Variants in GDA observed in about 807,000 individuals in gnomAD.
The protein encoded by GDA is cytoplasmic PSD-95 interactor.
In GDA, 18 loss-of-function variants were observed where a neutral mutation model predicts 59.6. The ratio of observed to expected loss-of-function variants is 0.30; its 90% CI spans 0.21 to 0.45. GDA has a LOEUF of 0.45. GDA is among the 20% of genes least tolerant of loss of function. The pLI is 1.00. For synonymous variants in GDA, 201 were observed against 201.1 expected, an observed-to-expected ratio of 1.00 and a Z score of 0.00; for missense variants, 427 against 552.3, an observed-to-expected ratio of 0.77 and a Z score of 2.27.
chr9:72,181,039 T>C (rs750925808), intron 1 of GDA, among the ~76,000 whole-genome samples: 1 of 152,228 alleles, frequency 6.6e-6, no homozygotes, highest in Non-Finnish European at 1.5e-5. Context: ...TCACATGAAA[T>C]AGATTTTGAT....
At chr9:72,116,783 A>G (rs540506619) in intron 1 of GDA, among the ~76,000 whole-genome samples, 2 of 152,112 alleles carry the variant, frequency 1.3e-5, no homozygotes, top group Admixed American at 6.5e-5. Context: ...TTATTTATTT[A>G]TTTTTATTAT....
At chr9:72,181,389 G>A (rs1027723739) in intron 1 of GDA, among the ~76,000 whole-genome samples, 1 of 152,004 alleles carries the variant, frequency 6.6e-6, no homozygotes, top group African/African-American at 2.4e-5. Flanking sequence ...GCAGTGGCGC[G>A]ATCTTGGCTC....
At chr9:72,213,600 G>C (rs533870060) in intron 4 of GDA, among the ~76,000 whole-genome samples, 1 of 151,544 alleles carries the variant, frequency 6.6e-6, no homozygotes, top group African/African-American at 2.4e-5. Flanking sequence ...TCAGGAGATC[G>C]AGACCATCTT....
chr9:72,175,754 C>T (rs1203765003), intron 1 of GDA, among the ~76,000 whole-genome samples: 1 of 152,162 alleles, frequency 6.6e-6, no homozygotes, highest in African/African-American at 2.4e-5. Flanking sequence ...TCCCCACTTT[C>T]TACTTTTACA....
intron 1 of GDA, among the ~76,000 whole-genome samples, chr9:72,187,509 T>A (rs1245902964): frequency 6.6e-6 from 1 of 152,206 alleles, no homozygotes; most frequent in Admixed American, 6.5e-5. Flanking sequence ...CCCATTTTGC[T>A]CTTTATACAT....
chr9:72,232,090 A>G (rs1838422192), intron 10 of GDA, among the ~76,000 whole-genome samples: 1 of 152,220 alleles, frequency 6.6e-6, no homozygotes, highest in Non-Finnish European at 1.5e-5. Context: ...AGTGTGAGTC[A>G]GGCCCAAATT....
At chr9:72,183,995 G>T (rs1831579410) in intron 1 of GDA, among the ~76,000 whole-genome samples, 1 of 152,016 alleles carries the variant, frequency 6.6e-6, no homozygotes, top group Admixed American at 6.5e-5. Flanking sequence ...TGCAACATAA[G>T]CATTACATTA....
At chr9:72,155,998 C>G (rs1827841382) in intron 1 of GDA, among the ~76,000 whole-genome samples, 1 of 152,114 alleles carries the variant, frequency 6.6e-6, no homozygotes, top group Admixed American at 6.6e-5. Flanking sequence ...TAGTACATGT[C>G]CATTAGACTT....
At chr9:72,241,820 G>A (rs988140545) in intron 11 of GDA, among the ~76,000 whole-genome samples, 114 of 152,250 alleles carry the variant, frequency 7.5e-4, no homozygotes, top group African/African-American at 2.6e-3. Flanking sequence ...CTGAACCCGG[G>A]GAGGTAGAGG....
At chr9:72,122,028 T>G (rs1368838037) in intron 1 of GDA, among the ~76,000 whole-genome samples, 1 of 152,182 alleles carries the variant, frequency 6.6e-6, no homozygotes, top group Admixed American at 6.6e-5. Context: ...ACCCCTTATG[T>G]GTTGAGATAG....
chr9:72,241,090 A>G, intron 10 of GDA, 62 bp from the exon 11 acceptor site: 1 of 1,180,946 alleles, frequency 8.5e-7, no homozygotes, highest in Non-Finnish European at 1.2e-6. Flanking sequence ...ACAATGTTAT[A>G]TATGTATTAT....
At chr9:72,137,532 C>T (rs1043832850) in intron 1 of GDA, among the ~76,000 whole-genome samples, 2 of 152,182 alleles carry the variant, frequency 1.3e-5, no homozygotes, top group East Asian at 3.9e-4. Context: ...AAGCGTGAGC[C>T]ACCGTGCCTG....
rs148740975 is a variant in GDA, at chr9:72,185,318, A to G, written c.124-10182A>G. 9.2e-5 allele frequency among the ~76,000 whole-genome samples: 14 copies of G among 152,314 alleles called. No homozygotes were observed. In the East Asian group the frequency reaches 1.9e-3, roughly 21 times the overall value. The stretch of plus-strand genomic sequence containing the variant: ...GGAGATATGGCTTCCCCTGCACCTT[A>G]GGCATTTAAAATAACCTGGCCTGTT... On this transcript the variant is annotated intron_variant, in intron 1 of 13. Coordinates refer to ENST00000358399, the MANE Select transcript of GDA (RefSeq NM_004293.5).
At chr9:72,183,385 G>A (rs1213582191) in intron 1 of GDA, among the ~76,000 whole-genome samples, 1 of 151,992 alleles carries the variant, frequency 6.6e-6, no homozygotes, top group Non-Finnish European at 1.5e-5. Context: ...TCTCAGCCTT[G>A]ACTGCTCCCT....
chr9:72,120,688 G>A (rs1043342238), intron 1 of GDA, among the ~76,000 whole-genome samples: 2 of 152,138 alleles, frequency 1.3e-5, no homozygotes, highest in Non-Finnish European at 2.9e-5. Flanking sequence ...AACATTTGAT[G>A]CACATGATCC....
At chr9:72,147,488 G>A (rs999726494), upstream of GDA, among the ~76,000 whole-genome samples, 1 of 152,196 alleles carries the variant, frequency 6.6e-6, no homozygotes, top group Non-Finnish European at 1.5e-5. Flanking sequence ...ACAGGCGTGA[G>A]CCATCGTGCC....
intron 1 of GDA, among the ~76,000 whole-genome samples, chr9:72,128,215 A>G (rs1467201883): frequency 6.8e-6 from 1 of 147,018 alleles, no homozygotes; most frequent in Non-Finnish European, 1.5e-5. Context: ...TATTACTATC[A>G]TATTTATAAA....
intron 2 of GDA, among the ~76,000 whole-genome samples, chr9:72,200,970 TC>T (rs1205084339): frequency 6.6e-6 from 1 of 151,998 alleles, no homozygotes; most frequent in Non-Finnish European, 1.5e-5. Context: ...CTACATAAAT[TC>T]CCTGAGCTTT....
intron 1 of GDA, among the ~76,000 whole-genome samples, chr9:72,128,650 C>T (rs1423604130): frequency 6.6e-6 from 1 of 152,106 alleles, no homozygotes; most frequent in Non-Finnish European, 1.5e-5. Context: ...TTTGACAGCT[C>T]CTTCAGGGAG....
Sources: gnomAD v4.1 joint callset for allele counts (sites outside exome capture counted in the v4.1 genomes callset) on GRCh38, gnomAD v4.1.1 for gene constraint, MANE v1.5 for transcripts, NCBI Gene and HGNC (gene_info 2026-07-23, HGNC 2026-07-21) for gene names.